The following TTC27 variants were observed in gnomAD, a reference collection of about 807,000 sequenced individuals.
The protein encoded by TTC27 is tetratricopeptide repeat protein 27.
Under a neutral mutation model 115.9 loss-of-function variants are expected in TTC27, and 79 were observed. That is an observed-to-expected ratio of 0.68 (90% CI 0.57 to 0.82). The LOEUF (loss-of-function observed/expected upper bound fraction) is 0.82. Among genes scored for constraint, TTC27 ranks in the 40% least tolerant of loss-of-function variants. TTC27 has a pLI of 0.00. For missense variants in TTC27, 1,054 were observed against 993.1 expected (o/e 1.06, Z -0.82); for synonymous variants, 401 against 356.0 (o/e 1.13, Z -1.42).
At chr2:32,650,311 AT>A in intron 5 of TTC27, 78 bp downstream of exon 5, 1 of 717,760 alleles carries the variant, frequency 1.4e-6, no homozygotes. Flanking sequence ...TTTTTAGTTT[AT>A]TTTTTGTCCG....
At chr2:32,732,981 G>A (rs944903498) in intron 10 of TTC27, among the ~76,000 whole-genome samples, 2 of 152,182 alleles carry the variant, frequency 1.3e-5, no homozygotes, top group Non-Finnish European at 2.9e-5. Flanking sequence ...TAAACTGAAT[G>A]GCAAATGAAG....
intron 5 of TTC27, among the ~76,000 whole-genome samples, chr2:32,659,354 T>C (rs1038427836): frequency 3.6e-5 from 4 of 109,600 alleles, no homozygotes; most frequent in Admixed American, 1.0e-4. Flanking sequence ...TGGTGTTACC[T>C]CTTTTTTTTT....
intron 5 of TTC27, among the ~76,000 whole-genome samples, chr2:32,650,924 CTT>C (rs1459551283): frequency 6.6e-6 from 1 of 152,252 alleles, no homozygotes; most frequent in East Asian, 1.9e-4. Context: ...TAGGGAAAGA[CTT>C]TGGAAAAGAG....
intron 6 of TTC27, among the ~76,000 whole-genome samples, chr2:32,664,721 C>T (rs1194248738): frequency 6.6e-6 from 1 of 152,152 alleles, no homozygotes; most frequent in Admixed American, 6.5e-5. Context: ...CCAGGCAGTA[C>T]ACAAACACAC....
intron 5 of TTC27, among the ~76,000 whole-genome samples, chr2:32,653,192 A>G (rs898724417): frequency 5.9e-5 from 9 of 152,202 alleles, no homozygotes; most frequent in African/African-American, 1.9e-4. Flanking sequence ...AGAAGACCTC[A>G]TGAAGTCGCT....
chr2:32,660,449 G>A (rs1201439253), intron 5 of TTC27, among the ~76,000 whole-genome samples: 3 of 152,108 alleles, frequency 2.0e-5, no homozygotes, highest in Non-Finnish European at 4.4e-5. Flanking sequence ...CCTTTGCAGG[G>A]ACATGGATGA....
At chr2:32,797,682 C>A (rs1670757261) in intron 16 of TTC27, among the ~76,000 whole-genome samples, 1 of 152,074 alleles carries the variant, frequency 6.6e-6, no homozygotes, top group African/African-American at 2.4e-5. Context: ...AGGGCAAGAA[C>A]TTTATAACGG....
chr2:32,768,945 T>A (rs1411621549), intron 13 of TTC27, among the ~76,000 whole-genome samples: 2 of 152,204 alleles, frequency 1.3e-5, no homozygotes, highest in Non-Finnish European at 2.9e-5. Context: ...GATGTGGTTT[T>A]GGATGTTGAA....
intron 12 of TTC27, among the ~76,000 whole-genome samples, chr2:32,737,775 G>A (rs1668494675): frequency 6.6e-6 from 1 of 152,066 alleles, no homozygotes; most frequent in Admixed American, 6.6e-5. Context: ...AGCTGAGGTG[G>A]GAAGATCGCT....
chr2:32,691,708 A>AT (rs1666817759), intron 9 of TTC27, among the ~76,000 whole-genome samples: 1 of 149,656 alleles, frequency 6.7e-6, no homozygotes, highest in South Asian at 2.2e-4. Context: ...ATAAAATATT[A>AT]TAACTATAAA....
intron 7 of TTC27, among the ~76,000 whole-genome samples, chr2:32,669,451 G>C (rs1665925963): frequency 1.3e-5 from 2 of 152,054 alleles, no homozygotes; most frequent in Non-Finnish European, 1.5e-5. Context: ...TTGTTAAGTT[G>C]GTTATATATC....
chr2:32,633,178 A>G (rs935464281), intron 2 of TTC27, among the ~76,000 whole-genome samples: 1 of 152,188 alleles, frequency 6.6e-6, no homozygotes, highest in African/African-American at 2.4e-5. Context: ...AGAAAAACTT[A>G]TAGATGTCTG....
At position 32,811,150 on chromosome 2, in the gene TTC27, G is replaced by A; in HGVS notation, c.2125G>A (p.Gly709Arg). 6.2e-7 allele frequency: 1 copy of A among 1,614,182 alleles called. No individual in the cohort carries two copies. The highest frequency in any genetic ancestry group is 2.2e-5 in the East Asian group (1 of 44,874). The change falls in exon 17 of 20, where the codon GGA (glycine) becomes AGA (arginine). Residue 709 changes from glycine (G) to arginine (R), a missense_variant. Transcript: ENST00000317907. Reference sequence around the variant, plus strand: ...AGTGACTTCAAGAGTGACAAATGATGGAGAAATCTGGAGGCTGTATGCCCA... The same window carrying A: ...AGTGACTTCAAGAGTGACAAATGATAGAGAAATCTGGAGGCTGTATGCCCA... The part of the protein sequence containing the change: ...GRVTSRVTND[G>R]EIWRLYAHVY...
chr2:32,677,051 TA>T (rs1559201162), intron 8 of TTC27, among the ~76,000 whole-genome samples: 1 of 152,004 alleles, frequency 6.6e-6, no homozygotes, highest in Non-Finnish European at 1.5e-5. Context: ...TCTTGCCTTT[TA>T]AAAAAAATTT....
chr2:32,754,528 T>G (rs1669135673), intron 12 of TTC27, among the ~76,000 whole-genome samples: 1 of 148,150 alleles, frequency 6.7e-6, no homozygotes, highest in Non-Finnish European at 1.5e-5. Flanking sequence ...AAATGAAAAG[T>G]CTCCCATGTC....
chr2:32,628,921 C>T (rs1389838027), intron 1 of TTC27, among the ~76,000 whole-genome samples: 1 of 151,396 alleles, frequency 6.6e-6, no homozygotes, highest in African/African-American at 2.4e-5. Context: ...CCACCACGCC[C>T]GGCTAATTTT....
intron 9 of TTC27, among the ~76,000 whole-genome samples, chr2:32,693,377 G>C (rs1439922363): frequency 6.6e-6 from 1 of 152,158 alleles, no homozygotes; most frequent in Non-Finnish European, 1.5e-5. Flanking sequence ...GAATTTCTCC[G>C]GCTCCACCCT....
intron 16 of TTC27, among the ~76,000 whole-genome samples, chr2:32,809,931 A>G (rs532743072): frequency 3.3e-5 from 5 of 152,102 alleles, no homozygotes; most frequent in African/African-American, 1.2e-4. Context: ...AGCCTGGCCA[A>G]CATAGTGAAA....
chr2:32,699,198 A>G (rs1238462298), intron 9 of TTC27, among the ~76,000 whole-genome samples: 1 of 152,234 alleles, frequency 6.6e-6, no homozygotes, highest in Non-Finnish European at 1.5e-5. Flanking sequence ...GAACCAAACT[A>G]GATGCAGTTA....
Sources: allele counts gnomAD v4.1 joint callset (sites outside exome capture counted in the v4.1 genomes callset), GRCh38; gene constraint gnomAD v4.1.1; transcripts MANE v1.5; gene names NCBI Gene and HGNC (gene_info 2026-07-23, HGNC 2026-07-21).